Variants in LIMK1 observed in about 807,000 individuals in gnomAD.
LIMK1 encodes the protein LIM domain kinase 1.
LIMK1 carries 21 observed loss-of-function variants against 77.6 expected under a neutral mutation model. The observed-to-expected ratio is 0.27, with a 90% CI of 0.19 to 0.39. The LOEUF is 0.39. LIMK1 is among the 10% of genes least tolerant of loss of function. LIMK1 has a pLI of 1.00. For synonymous variants in LIMK1, 358 were observed against 370.0 expected (o/e 0.97, Z 0.37); for missense variants, 696 against 901.6 (o/e 0.77, Z 2.92).
rs782695555 is a variant in LIMK1 at position 74,121,262 on chromosome 7, C to T, written c.1905C>T (p.Gly635=). 10 of 1,611,136 alleles carry T rather than the reference C, an allele frequency of 6.2e-6. No homozygotes were observed. Among genetic ancestry groups the T allele is most frequent in the Admixed American group, 1.7e-5 (1 of 59,690 alleles). The change falls in exon 16 of 16, where the codon GGC becomes GGT. Residue 635 remains glycine, a synonymous_variant. Coordinates refer to ENST00000336180, the MANE Select transcript of LIMK1 (RefSeq NM_002314.4). ...DRGFWETYRR[G]ESGLPAHPEV... ...GTTTCTGGGAGACCTACCGGCGCGG[C>T]GAGAGCGGACTGCCTGCCCACCCTG...
At chr7:74,096,793 G>C in intron 3 of LIMK1, 33 bp downstream of exon 3, 6 of 1,555,936 alleles carry the variant, frequency 3.9e-6, no homozygotes, top group Non-Finnish European at 4.4e-6. Flanking sequence ...ACTCACCTGG[G>C]GTGGGGGTAT....
At chr7:74,091,992 G>C in intron 2 of LIMK1, among the ~76,000 whole-genome samples, 1 of 115,502 alleles carries the variant, frequency 8.7e-6, no homozygotes, top group South Asian at 3.0e-4. Flanking sequence ...TTGAGACAGA[G>C]TCTCGCTTTT....
intron 2 of LIMK1, among the ~76,000 whole-genome samples, chr7:74,092,111 G>A (rs1428395505): frequency 3.3e-5 from 5 of 151,492 alleles, no homozygotes; most frequent in Non-Finnish European, 4.4e-5. Flanking sequence ...GACTACAGGC[G>A]CCCACCACCA....
At chr7:74,093,497 G>A (rs1386710387) in intron 2 of LIMK1, among the ~76,000 whole-genome samples, 6 of 152,190 alleles carry the variant, frequency 3.9e-5, no homozygotes, top group African/African-American at 1.4e-4. Context: ...CCATGAGGCC[G>A]GTCCTCCACC....
chr7:74,098,171 A>T (rs1275264437), intron 4 of LIMK1, among the ~76,000 whole-genome samples: 2 of 152,156 alleles, frequency 1.3e-5, no homozygotes, highest in African/African-American at 4.8e-5. Flanking sequence ...AGGCTGGATG[A>T]AAGCTGCAAC....
intron 2 of LIMK1, among the ~76,000 whole-genome samples, chr7:74,087,966 G>A (rs142695848): frequency 6.6e-6 from 1 of 152,136 alleles, no homozygotes; most frequent in African/African-American, 2.4e-5. Context: ...GGCGTGCAGT[G>A]GTGAGATCAT....
intron 3 of LIMK1, 33 bp downstream of exon 3, chr7:74,096,793 G>A: frequency 6.4e-7 from 1 of 1,555,936 alleles, no homozygotes; most frequent in Non-Finnish European, 8.7e-7. Flanking sequence ...ACTCACCTGG[G>A]GTGGGGGTAT....
At chr7:74,103,754 T>C (rs1799513748) in intron 5 of LIMK1, among the ~76,000 whole-genome samples, 1 of 152,110 alleles carries the variant, frequency 6.6e-6, no homozygotes, top group South Asian at 2.1e-4. Flanking sequence ...TTTGTTACTG[T>C]AAGGAAGAGC....
chr7:74,093,599 C>A (rs1401632777), intron 2 of LIMK1, among the ~76,000 whole-genome samples: 2 of 152,182 alleles, frequency 1.3e-5, no homozygotes, highest in East Asian at 1.9e-4. Flanking sequence ...CCGCTGTCTC[C>A]CAGCCCAGCC....
rs1464142629 is a variant in LIMK1 at position 74,093,428 on chromosome 7, C to A, written c.153-3194C>A. 4.3e-6 allele frequency: 5 copies of A among 1,159,966 alleles called. No homozygotes were observed. In the African/African-American group the frequency reaches 7.7e-5, roughly 18 times the overall value. 71.9% of individuals were successfully genotyped at this position (1,159,966 alleles called of 1,614,324 possible). The stretch of plus-strand genomic sequence containing the variant: ...AGAACTGAAACTCCTTGGTTACTGT[C>A]GGCTGCAGCCTGGGAGCAGGCCACT... On this transcript the variant is annotated intron_variant, in intron 2 of 15. Coordinates refer to ENST00000336180, the MANE Select transcript of LIMK1 (RefSeq NM_002314.4).
chr7:74,099,839 G>T (rs1423413991), intron 5 of LIMK1, among the ~76,000 whole-genome samples: 1 of 151,828 alleles, frequency 6.6e-6, no homozygotes, highest in East Asian at 1.9e-4. Context: ...GAGTGAAGAA[G>T]CTGGGCGCAG....
At chr7:74,090,512 C>T (rs1265075202) in intron 2 of LIMK1, among the ~76,000 whole-genome samples, 4 of 152,180 alleles carry the variant, frequency 2.6e-5, no homozygotes, top group Non-Finnish European at 4.4e-5. Flanking sequence ...AGCAGAGCAG[C>T]TCAGAGGGGG....
chr7:74,107,928 G>A lies in LIMK1; in HGVS notation c.1123G>A (p.Glu375Lys), dbSNP rs868955734. The A allele has an allele frequency of 1.3e-5, 21 of 1,575,664 alleles. No homozygotes were observed. Among genetic ancestry groups the A allele is most frequent in the Middle Eastern group, 1.7e-4 (1 of 6,034 alleles). Reference protein sequence around the residue: ...MVMKELIRFDEETQRTFLKEV... With the variant: ...MVMKELIRFDKETQRTFLKEV... The stretch of plus-strand genomic sequence containing the variant: ...GATGAAGGAGCTGATCCGGTTCGAC[G>A]AGGAGACCCAGAGGACGTTCCTCAA... Residue 375 changes from glutamate to lysine, a missense_variant, in exon 9 of 16, where the codon GAG (glutamate) becomes AAG (lysine). This residue lies in a region of LIMK1 where 438 missense variants were observed against 602.3 expected (regional missense o/e 0.73). Transcript: ENST00000336180.
chr7:74,102,484 C>CTTTTTT lies in LIMK1; in HGVS notation c.608+3259_608+3264dup, dbSNP rs71094754. On this transcript the variant is annotated intron_variant, in intron 5 of 15. Coordinates refer to ENST00000336180, the MANE Select transcript of LIMK1 (RefSeq NM_002314.4). ...GATATTCTCAAAAGAAGGACCTTCTCTTTTTTTTTTTTTTTTTTGGAGACA... is the reference window on the plus strand; with the variant it reads ...GATATTCTCAAAAGAAGGACCTTCTCTTTTTTTTTTTTTTTTTTTTTTTTGGAGACA... Among the ~76,000 whole-genome samples the CTTTTTT allele has an allele frequency of 8.6e-3, 465 of 54,010 alleles. 85 individuals are homozygous for CTTTTTT. Among genetic ancestry groups the CTTTTTT allele is most frequent in the Middle Eastern group, 0.019 (1 of 52 alleles). 35.4% of individuals were successfully genotyped at this position (54,010 alleles called of 152,430 possible). A position where few individuals can be genotyped will look rare whatever the true frequency, so the allele number is the denominator to read the frequency against.
chr7:74,116,036 C>A lies in LIMK1; in HGVS notation c.1567+78C>A. The A allele has an allele frequency of 2.7e-6, 4 of 1,457,328 alleles. No individual in the cohort carries two copies. The South Asian group carries it at 3.8e-5, about 14-fold the overall frequency. 90.3% of individuals were successfully genotyped at this position (1,457,328 alleles called of 1,614,324 possible). Reference sequence around the variant, plus strand: ...CCCAGGAGAGCTGTAACCTCCCAAGCCCCTGGCCCCTCCCAGCCTCCTTGG... The same window carrying A: ...CCCAGGAGAGCTGTAACCTCCCAAGACCCTGGCCCCTCCCAGCCTCCTTGG... On this transcript the variant is annotated intron_variant, in intron 13 of 15. Coordinates refer to ENST00000336180, the MANE Select transcript of LIMK1 (RefSeq NM_002314.4).
intron 2 of LIMK1, among the ~76,000 whole-genome samples, chr7:74,087,017 TC>T (rs1554694161): frequency 6.6e-6 from 1 of 152,080 alleles, no homozygotes; most frequent in Non-Finnish European, 1.5e-5. Context: ...AGTAGGACCA[TC>T]CTGAGAAGCC....
chr7:74,107,116 C>T lies in LIMK1; in HGVS notation c.988C>T (p.Pro330Ser). 6.2e-7 allele frequency: 1 copy of T among 1,612,968 alleles called. No individual in the cohort carries two copies. Among genetic ancestry groups the T allele is most frequent in the Non-Finnish European group, 8.5e-7 (1 of 1,179,882 alleles). ...TGAGTCCCTCCGCGTAGTCTGCCGG[C>T]CACACCGCATCTTCCGGCCGTCGGA... ...RSESLRVVCRPHRIFRPSDLI... is the reference protein window; with the variant it reads ...RSESLRVVCRSHRIFRPSDLI... The change falls in exon 8 of 16, where the codon CCA becomes TCA. Residue 330 changes from proline to serine, a missense_variant. This residue lies in a region of LIMK1 where 438 missense variants were observed against 602.3 expected (regional missense o/e 0.73). Coordinates refer to ENST00000336180, the MANE Select transcript of LIMK1 (RefSeq NM_002314.4).
chr7:74,108,721 TG>T, intron 9 of LIMK1, among the ~76,000 whole-genome samples, 183 bp from the exon 10 acceptor site: 1 of 131,420 alleles, frequency 7.6e-6, no homozygotes, highest in Middle Eastern at 4.0e-3. Flanking sequence ...TCGCTGGGGG[TG>T]GGGGCAGCTC....
At chr7:74,084,793 G>T (rs1451784687) in intron 1 of LIMK1, among the ~76,000 whole-genome samples, 1 of 152,086 alleles carries the variant, frequency 6.6e-6, no homozygotes, top group Non-Finnish European at 1.5e-5. Context: ...AGGGTCTGGG[G>T]GCCCCTCCTT....
Sources: gnomAD v4.1 joint callset for allele counts (sites outside exome capture counted in the v4.1 genomes callset) on GRCh38, gnomAD v4.1.1 for gene constraint, gnomAD v4.1.1 regional missense constraint, MANE v1.5 for transcripts, NCBI Gene and HGNC (gene_info 2026-07-23, HGNC 2026-07-21) for gene names.